GIGYF2: variants seen among roughly 807,000 people sequenced by gnomAD.
The protein encoded by GIGYF2 is GRB10 interacting GYF protein 2.
A neutral mutation model predicts 208.1 loss-of-function variants in GIGYF2; 25 were observed. That is an observed-to-expected ratio of 0.12 (90% CI 0.09 to 0.17). GIGYF2 has a LOEUF of 0.17. Among genes scored for constraint, GIGYF2 ranks in the 10% least tolerant of loss-of-function variants. GIGYF2 has a pLI of 1.00. For synonymous variants in GIGYF2, 534 were observed against 543.8 expected (o/e 0.98, Z 0.25); for missense variants, 1,302 against 1,579.4 (o/e 0.82, Z 2.98).
chr2:232,720,085 C>G (rs992642432), intron 2 of GIGYF2, among the ~76,000 whole-genome samples: 2 of 152,178 alleles, frequency 1.3e-5, no homozygotes, highest in Non-Finnish European at 2.9e-5. Flanking sequence ...CTAATGCTAT[C>G]CCTCCCCAAG....
At position 232,753,105 on chromosome 2, in the gene GIGYF2, T is replaced by G. The variant is rs1010795380; in HGVS notation, c.268-3118T>G. Among the ~76,000 whole-genome samples, 123 of 121,284 alleles carry G rather than the reference T, an allele frequency of 1.0e-3. 1 individual carries two copies. The highest frequency in any genetic ancestry group is 7.5e-4 in the Admixed American group (10 of 13,266). 79.6% of individuals were successfully genotyped at this position (121,284 alleles called of 152,430 possible). A position where few individuals can be genotyped will look rare whatever the true frequency, so the allele number is the denominator to read the frequency against. On this transcript the variant is annotated intron_variant, in intron 5 of 28. Coordinates refer to ENST00000373563, the MANE Select transcript of GIGYF2 (RefSeq NM_001103146.3). ...CAGTTCTACACTTGACAGTATTTAT[T>G]TATTTATTTATTTATTTATTTATTT... is the stretch of plus-strand genomic sequence containing the variant.
intron 22 of GIGYF2, among the ~76,000 whole-genome samples, chr2:232,837,414 C>CT (rs1413048128): frequency 2.0e-5 from 3 of 152,118 alleles, no homozygotes; most frequent in Non-Finnish European, 2.9e-5. Flanking sequence ...CTTGAATAAA[C>CT]TTTTTTTCAT....
rs71056294 is a variant in GIGYF2 at position 232,720,585 on chromosome 2, T to TTTTGTTTG, written c.-43-14549_-43-14542dup. On this transcript the variant is annotated intron_variant, in intron 2 of 28. Transcript: ENST00000373563. ...GTGTAATATATATATATATATATAT[T>TTTTGTTTG]TTTGTTTGTTTGTTTGTTTGTTTGT... 1.4e-3 allele frequency among the ~76,000 whole-genome samples: 182 copies of TTTTGTTTG among 126,366 alleles called. 1 individual carries two copies. Among genetic ancestry groups the TTTTGTTTG allele is most frequent in the African/African-American group, 5.0e-3 (175 of 34,852 alleles). The allele number at this position is 126,366 out of a possible 152,430, so 82.9% of individuals were successfully genotyped here.
intron 21 of GIGYF2, among the ~76,000 whole-genome samples, chr2:232,830,060 A>G (rs576198469): frequency 6.6e-6 from 1 of 152,112 alleles, no homozygotes; most frequent in East Asian, 1.9e-4. Context: ...ACTCACTACA[A>G]CCTTGAACTC....
At chr2:232,760,358 G>A (rs933039899) in intron 6 of GIGYF2, 122 bp from the exon 7 acceptor site, 1 of 718,410 alleles carries the variant, frequency 1.4e-6, no homozygotes, top group African/African-American at 1.8e-5. Context: ...GCCTCGTTCA[G>A]TATTTAAATG....
chr2:232,787,713 G>T (rs1480595814), intron 9 of GIGYF2, among the ~76,000 whole-genome samples: 1 of 152,060 alleles, frequency 6.6e-6, no homozygotes, highest in Non-Finnish European at 1.5e-5. Context: ...AACAATGAGT[G>T]TTTTTCCTAA....
At chr2:232,799,058 A>G (rs962070673) in intron 14 of GIGYF2, among the ~76,000 whole-genome samples, 1 of 151,610 alleles carries the variant, frequency 6.6e-6, no homozygotes, top group Non-Finnish European at 1.5e-5. Flanking sequence ...ATCGTGCAGT[A>G]TTTGTCTTTT....
At chr2:232,854,081 C>T (rs1230330768) in intron 28 of GIGYF2, among the ~76,000 whole-genome samples, 5 of 152,150 alleles carry the variant, frequency 3.3e-5, no homozygotes, top group Admixed American at 2.6e-4. Context: ...CACATTTTAT[C>T]TGTTCTTAAG....
intron 20 of GIGYF2, among the ~76,000 whole-genome samples, chr2:232,817,435 G>T (rs913036498): frequency 1.3e-5 from 2 of 152,186 alleles, no homozygotes; most frequent in African/African-American, 2.4e-5. Flanking sequence ...ACTTTCAGTG[G>T]TGTTAAGTAT....
chr2:232,732,817 A>T (rs1003176888), intron 2 of GIGYF2, among the ~76,000 whole-genome samples: 1 of 151,888 alleles, frequency 6.6e-6, no homozygotes, highest in Non-Finnish European at 1.5e-5. Context: ...TTTTGTGGAG[A>T]CAGGGTTTTG....
chr2:232,793,393 T>C (rs1700128464), intron 12 of GIGYF2, among the ~76,000 whole-genome samples: 1 of 152,026 alleles, frequency 6.6e-6, no homozygotes, highest in Non-Finnish European at 1.5e-5. Flanking sequence ...ATTGACTGGA[T>C]ATCAGGGTAA....
chr2:232,770,494 A>C (rs1699191295), intron 8 of GIGYF2, among the ~76,000 whole-genome samples: 1 of 152,236 alleles, frequency 6.6e-6, no homozygotes, highest in Non-Finnish European at 1.5e-5. Flanking sequence ...AAGAAAAAAA[A>C]CCAAATTCTT....
chr2:232,795,941 C>T, intron 13 of GIGYF2, 121 bp from the exon 14 acceptor site: 1 of 746,208 alleles, frequency 1.3e-6, no homozygotes, highest in Non-Finnish European at 2.4e-6. Context: ...CTGCTATGTT[C>T]TTTGCATAGT....
chr2:232,705,324 T>C (rs770555870), intron 2 of GIGYF2: 3 of 152,260 alleles, frequency 2.0e-5, no homozygotes, highest in Non-Finnish European at 4.4e-5. Flanking sequence ...TTTGAAATAA[T>C]ACATTTTTGT....
At chr2:232,710,692 CTTTTTTTTTT>C (rs35154227) in intron 2 of GIGYF2, among the ~76,000 whole-genome samples, 1 of 113,978 alleles carries the variant, frequency 8.8e-6, no homozygotes, top group South Asian at 3.0e-4. Context: ...TCTTGGTGTT[CTTTTTTTTTT>C]TTTTTTTTTT....
At chr2:232,732,638 T>A (rs1327325042) in intron 2 of GIGYF2, among the ~76,000 whole-genome samples, 5 of 150,170 alleles carry the variant, frequency 3.3e-5, no homozygotes, top group South Asian at 2.1e-4. Flanking sequence ...TTAATTTTTT[T>A]AATTTTTTTT....
intron 5 of GIGYF2, among the ~76,000 whole-genome samples, chr2:232,754,820 T>C (rs1477642974): frequency 6.6e-6 from 1 of 152,080 alleles, no homozygotes; most frequent in Non-Finnish European, 1.5e-5. Context: ...TTATTTTTAG[T>C]TGTCAAATAT....
At chr2:232,790,377 A>G (rs137929137) in intron 9 of GIGYF2, among the ~76,000 whole-genome samples, 14 of 152,336 alleles carry the variant, frequency 9.2e-5, no homozygotes, top group African/African-American at 3.4e-4. Flanking sequence ...GCTAATCAGT[A>G]TTTTAATCAA....
In GIGYF2 at chr2:232,712,215, T is replaced by A. The variant is rs968877413; in HGVS notation, c.-44+8726T>A. On this transcript the variant is annotated intron_variant, in intron 2 of 28. Transcript: ENST00000373563. ...CATATCCTAGTCTGGACACCCATAT[T>A]GTGTGCAGCTATTCTTTCAAGTCAA... is the stretch of plus-strand genomic sequence containing the variant. 3.9e-5 allele frequency among the ~76,000 whole-genome samples: 6 copies of A among 152,186 alleles called. No individual in the cohort carries two copies. In the East Asian group the frequency reaches 1.2e-3, roughly 29 times the overall value.
Sources: allele counts gnomAD v4.1 joint callset (sites outside exome capture counted in the v4.1 genomes callset), GRCh38; gene constraint gnomAD v4.1.1; transcripts MANE v1.5; gene names NCBI Gene and HGNC (gene_info 2026-07-23, HGNC 2026-07-21).